CADM2: variants seen among roughly 807,000 people sequenced by gnomAD.
CADM2 encodes immunoglobulin superfamily member 4D.
A neutral mutation model predicts 49.8 loss-of-function variants in CADM2; 12 were observed. The ratio of observed to expected loss-of-function variants is 0.24; its 90% CI spans 0.15 to 0.39. The LOEUF (loss-of-function observed/expected upper bound fraction) is 0.39. Ranked by LOEUF, CADM2 falls within the 10% of genes least tolerant of loss-of-function variation. The pLI, the probability that CADM2 is intolerant of heterozygous loss-of-function variation, is 1.00. For missense variants in CADM2, 378 were observed against 492.3 expected, an observed-to-expected ratio of 0.77 and a Z score of 2.20; for synonymous variants, 214 against 175.4, an observed-to-expected ratio of 1.22 and a Z score of -1.74.
chr3:85,853,881 A>G (rs3901898), intron 3 of CADM2, among the ~76,000 whole-genome samples: 106,976 of 152,014 alleles, frequency 0.7, 39,220 homozygotes, highest in African/African-American at 0.92. Flanking sequence ...CTAAAGGGCT[A>G]ACTTTTTCAT....
intron 7 of CADM2, among the ~76,000 whole-genome samples, chr3:85,955,828 T>C (rs896554752): frequency 6.6e-6 from 1 of 151,566 alleles, no homozygotes; most frequent in African/African-American, 2.4e-5. Flanking sequence ...CTAAAAAAAA[T>C]CTGTTCAGAT....
chr3:85,013,989 TAC>T (rs1398463463), intron 1 of CADM2, among the ~76,000 whole-genome samples: 1 of 144,640 alleles, frequency 6.9e-6, no homozygotes, highest in Non-Finnish European at 1.5e-5. Flanking sequence ...ATATTATATA[TAC>T]GCAGTGTAAT....
At chr3:85,657,523 A>G (rs1019606856) in intron 1 of CADM2, among the ~76,000 whole-genome samples, 3 of 151,780 alleles carry the variant, frequency 2.0e-5, no homozygotes, top group African/African-American at 4.8e-5. Flanking sequence ...AATTTTTTCT[A>G]TACGTATCTT....
intron 1 of CADM2, among the ~76,000 whole-genome samples, chr3:85,179,167 A>G (rs2040861365): frequency 6.6e-6 from 1 of 151,938 alleles, no homozygotes; most frequent in Admixed American, 6.6e-5. Flanking sequence ...TTGAATGTTT[A>G]CCTGTGTTCT....
chr3:85,824,169 C>T (rs1173002594), intron 3 of CADM2, among the ~76,000 whole-genome samples: 2 of 152,096 alleles, frequency 1.3e-5, no homozygotes, highest in East Asian at 1.9e-4. Context: ...ATATTGTACT[C>T]ACAATGGAGA....
At chr3:86,055,099 T>G (rs1559828393) in intron 8 of CADM2, among the ~76,000 whole-genome samples, 1 of 152,288 alleles carries the variant, frequency 6.6e-6, no homozygotes, top group East Asian at 1.9e-4. Flanking sequence ...ATATATTTTT[T>G]TCTGATAAAA....
chr3:85,992,431 T>C (rs1216270525), intron 8 of CADM2: 1 of 152,132 alleles, frequency 6.6e-6, no homozygotes, highest in Non-Finnish European at 1.5e-5. Context: ...TTTTACAATA[T>C]TTTTTGCATT....
At chr3:86,027,090 A>C (rs969104014) in intron 8 of CADM2, among the ~76,000 whole-genome samples, 6 of 152,182 alleles carry the variant, frequency 3.9e-5, no homozygotes, top group African/African-American at 1.4e-4. Context: ...AGAATGAATT[A>C]ACAATTCTAG....
intron 1 of CADM2, among the ~76,000 whole-genome samples, chr3:85,050,812 A>G (rs1478664859): frequency 6.6e-6 from 1 of 152,192 alleles, no homozygotes; most frequent in East Asian, 1.9e-4. Flanking sequence ...CTTCCCTCCA[A>G]TCCTTTAAAA....
At chr3:85,441,472 A>G (rs1202032834) in intron 1 of CADM2, among the ~76,000 whole-genome samples, 30 of 152,138 alleles carry the variant, frequency 2.0e-4, no homozygotes, top group Admixed American at 2.0e-3. Flanking sequence ...TTTATATTAC[A>G]GAGAGTCATA....
intron 1 of CADM2, among the ~76,000 whole-genome samples, chr3:85,673,777 CATATGATGTGG>C: frequency 6.6e-6 from 1 of 152,234 alleles, no homozygotes; most frequent in East Asian, 1.9e-4. Flanking sequence ...TTTACTTTAG[CATATGATGTGG>C]CATGTGTAGG....
chr3:85,933,027 G>A (rs1262058071), intron 6 of CADM2, among the ~76,000 whole-genome samples: 2 of 152,074 alleles, frequency 1.3e-5, no homozygotes, highest in South Asian at 2.1e-4. Flanking sequence ...CTCCTGTACT[G>A]CTTAAACTAA....
chr3:85,427,571 A>C (rs187130862), intron 1 of CADM2, among the ~76,000 whole-genome samples: 2 of 152,244 alleles, frequency 1.3e-5, no homozygotes, highest in African/African-American at 4.8e-5. Context: ...TAATTCTAAA[A>C]TATGAGGAAA....
rs191104908 is a variant in CADM2 at position 85,942,458 on chromosome 3, A to G, written c.791+6601A>G. On this transcript the variant is annotated intron_variant, in intron 7 of 9. Transcript: ENST00000383699. ...ACTAACTTGTCATCTAGCATTAGGT[A>G]TATCTCCCAGTGCTATCCCTCCCCC... Among the ~76,000 whole-genome samples the G allele has an allele frequency of 3.8e-3, 568 of 149,760 alleles. 1 individual carries two copies. Among genetic ancestry groups the G allele is most frequent in the African/African-American group, 0.013 (541 of 41,204 alleles).
At chr3:85,005,340 C>T (rs932333992) in intron 1 of CADM2, among the ~76,000 whole-genome samples, 3 of 152,078 alleles carry the variant, frequency 2.0e-5, no homozygotes, top group Admixed American at 6.6e-5. Flanking sequence ...GGCAGTGGAC[C>T]TCTGGCTGTA....
chr3:85,624,956 T>C (rs1157964732), intron 1 of CADM2, among the ~76,000 whole-genome samples: 2 of 152,122 alleles, frequency 1.3e-5, no homozygotes, highest in East Asian at 1.9e-4. Flanking sequence ...TCATGAGAGA[T>C]AGATGTGGGT....
chr3:85,093,444 G>A (rs540089062), intron 1 of CADM2, among the ~76,000 whole-genome samples: 1 of 143,158 alleles, frequency 7.0e-6, no homozygotes, highest in Admixed American at 6.9e-5. Flanking sequence ...TTGAACACGG[G>A]AGGTGGAGGT....
At chr3:85,778,584 C>T (rs890204921) in intron 2 of CADM2, among the ~76,000 whole-genome samples, 2 of 152,104 alleles carry the variant, frequency 1.3e-5, no homozygotes, top group Non-Finnish European at 1.5e-5. Flanking sequence ...CTTTGCCTTC[C>T]ACCATGATTG....
At position 85,500,297 on chromosome 3, in the gene CADM2, A is replaced by T. The variant is rs187091688; in HGVS notation, c.62-226225A>T. Among the ~76,000 whole-genome samples, 168 of 152,148 alleles carry T rather than the reference A, an allele frequency of 1.1e-3. 1 individual carries two copies. The highest frequency in any genetic ancestry group is 3.9e-3 in the African/African-American group (163 of 41,510). ...TCAGGAATCATAGTTTATTTTCTAT[A>T]AAAAAATGGTAAAAATGCTCTAGTT... On this transcript the variant is annotated intron_variant, in intron 1 of 9. Coordinates refer to ENST00000383699, the MANE Select transcript of CADM2 (RefSeq NM_001167675.2).
Sources: allele counts gnomAD v4.1 joint callset (sites outside exome capture counted in the v4.1 genomes callset), GRCh38; gene constraint gnomAD v4.1.1; transcripts MANE v1.5; gene names NCBI Gene and HGNC (gene_info 2026-07-23, HGNC 2026-07-21).